The following OPCML variants were observed in gnomAD, a reference collection of about 807,000 sequenced individuals.
OPCML encodes the protein opioid-binding protein/cell adhesion molecule.
In OPCML, 13 loss-of-function variants were observed where a neutral mutation model predicts 37.8. The ratio of observed to expected loss-of-function variants is 0.34; its 90% CI spans 0.22 to 0.55. The LOEUF is 0.55. Ranked by LOEUF, OPCML falls within the 20% of genes least tolerant of loss-of-function variation. The pLI, the probability that OPCML is intolerant of heterozygous loss-of-function variation, is 0.91. For synonymous variants in OPCML, 176 were observed against 168.8 expected (o/e 1.04, Z -0.33); for missense variants, 341 against 435.6 (o/e 0.78, Z 1.93).
intron 2 of OPCML, among the ~76,000 whole-genome samples, chr11:132,830,536 A>T (rs77013628): frequency 6.6e-6 from 1 of 152,122 alleles, no homozygotes; most frequent in African/African-American, 2.4e-5. Flanking sequence ...GCAGTTCTCA[A>T]TTATCATCAA....
intron 1 of OPCML, among the ~76,000 whole-genome samples, chr11:133,041,471 G>C (rs1208132158): frequency 1.3e-5 from 2 of 152,166 alleles, no homozygotes; most frequent in African/African-American, 4.8e-5. Flanking sequence ...CTCTGCACTT[G>C]TCAATTGCCT....
chr11:132,720,882 T>C (rs990680961), intron 2 of OPCML, among the ~76,000 whole-genome samples: 5 of 152,078 alleles, frequency 3.3e-5, no homozygotes, highest in African/African-American at 9.7e-5. Context: ...CTGTCATTTT[T>C]TTCCCTAATA....
intron 3 of OPCML, among the ~76,000 whole-genome samples, chr11:132,631,505 G>A (rs946627452): frequency 6.6e-6 from 1 of 150,614 alleles, no homozygotes; most frequent in Non-Finnish European, 1.5e-5. Context: ...TGTCCCCCAG[G>A]CTGGAGTGCA....
intron 1 of OPCML, among the ~76,000 whole-genome samples, chr11:133,191,886 C>T (rs1484802598): frequency 6.6e-6 from 1 of 152,132 alleles, no homozygotes; most frequent in African/African-American, 2.4e-5. Flanking sequence ...AGTCATTGGT[C>T]ATATTTTTAA....
intron 7 of OPCML, among the ~76,000 whole-genome samples, chr11:132,435,468 G>T (rs2096009891): frequency 1.3e-5 from 2 of 152,208 alleles, no homozygotes. Flanking sequence ...TGTTGCAGAA[G>T]GATATGGATG....
chr11:133,023,455 A>G (rs1947491560), intron 1 of OPCML, among the ~76,000 whole-genome samples: 1 of 152,208 alleles, frequency 6.6e-6, no homozygotes, highest in African/African-American at 2.4e-5. Context: ...GTAGATGAAC[A>G]AAGGGAAAAT....
intron 2 of OPCML, among the ~76,000 whole-genome samples, chr11:132,890,682 T>TA (rs368939079): frequency 0.31 from 41,549 of 134,106 alleles, 6,493 homozygotes; most frequent in African/African-American, 0.35. Flanking sequence ...CTGTCTCTAC[T>TA]AAAAAAAAAA....
chr11:133,108,498 C>T (rs1426605731), intron 1 of OPCML, among the ~76,000 whole-genome samples: 1 of 152,088 alleles, frequency 6.6e-6, no homozygotes, highest in Non-Finnish European at 1.5e-5. Flanking sequence ...GACCTGAGCT[C>T]GGTTAGAATG....
chr11:132,802,859 T>A (rs1332626987), intron 2 of OPCML, among the ~76,000 whole-genome samples: 2 of 152,008 alleles, frequency 1.3e-5, no homozygotes, highest in African/African-American at 4.8e-5. Context: ...AAGAAAGGGG[T>A]CTTTGAAGCA....
At chr11:132,875,376 C>T (rs1274228130) in intron 2 of OPCML, among the ~76,000 whole-genome samples, 3 of 151,880 alleles carry the variant, frequency 2.0e-5, no homozygotes, top group African/African-American at 7.3e-5. Context: ...ATTTATACAA[C>T]ATTATAGGTG....
At chr11:133,044,070 T>C (rs1427510902) in intron 1 of OPCML, among the ~76,000 whole-genome samples, 1 of 152,130 alleles carries the variant, frequency 6.6e-6, no homozygotes, top group Non-Finnish European at 1.5e-5. Flanking sequence ...ATCTTTGCTA[T>C]CCTATGGAGA....
At chr11:132,911,350 AC>A (rs1230023146) in intron 2 of OPCML, among the ~76,000 whole-genome samples, 11 of 152,214 alleles carry the variant, frequency 7.2e-5, no homozygotes, top group Admixed American at 5.9e-4. Flanking sequence ...ACCCAGAATG[AC>A]CCTGCAAACA....
chr11:132,464,173 C>T (rs2096112338), intron 4 of OPCML, among the ~76,000 whole-genome samples: 1 of 152,224 alleles, frequency 6.6e-6, no homozygotes, highest in South Asian at 2.1e-4. Context: ...AGCTGCTGCA[C>T]TCCCTCTGAA....
intron 2 of OPCML, among the ~76,000 whole-genome samples, chr11:132,763,878 G>A (rs1450373135): frequency 6.6e-6 from 1 of 152,196 alleles, no homozygotes; most frequent in African/African-American, 2.4e-5. Context: ...TTACCACAAA[G>A]AGAACTCATT....
At chr11:132,433,869 G>A (rs1047582414) in intron 7 of OPCML, among the ~76,000 whole-genome samples, 1 of 152,194 alleles carries the variant, frequency 6.6e-6, no homozygotes, top group Non-Finnish European at 1.5e-5. Context: ...CTGCATCTTG[G>A]ACTTCTAGCC....
intron 1 of OPCML, among the ~76,000 whole-genome samples, chr11:133,486,629 G>A (rs1947530952): frequency 1.3e-5 from 2 of 152,136 alleles, no homozygotes; most frequent in South Asian, 4.1e-4. Flanking sequence ...CAAACCGATG[G>A]CTTTAACAGA....
chr11:132,597,710 G>A (rs185475758), intron 3 of OPCML, among the ~76,000 whole-genome samples: 1 of 152,102 alleles, frequency 6.6e-6, no homozygotes, highest in East Asian at 1.9e-4. Context: ...GCTTGACCAC[G>A]GCTGATCCTC....
intron 1 of OPCML, among the ~76,000 whole-genome samples, chr11:133,017,390 CCTTTT>C (rs571656941): frequency 6.6e-4 from 100 of 151,992 alleles, no homozygotes; most frequent in South Asian, 5.4e-3. Context: ...CCCCTCTTTT[CCTTTT>C]ATTTATTTAT....
intron 1 of OPCML, among the ~76,000 whole-genome samples, chr11:133,491,516 T>A (rs1205484457): frequency 6.6e-6 from 1 of 152,246 alleles, no homozygotes; most frequent in Non-Finnish European, 1.5e-5. Context: ...TCTCTGCAGA[T>A]CCTTGTCTAA....
Sources: gnomAD v4.1 joint callset for allele counts (sites outside exome capture counted in the v4.1 genomes callset) on GRCh38, gnomAD v4.1.1 for gene constraint, MANE v1.5 for transcripts, NCBI Gene and HGNC (gene_info 2026-07-23, HGNC 2026-07-21) for gene names.